MDGA2: variants seen among roughly 807,000 people sequenced by gnomAD.
The protein encoded by MDGA2 is MAM domain containing glycosylphosphatidylinositol anchor 2, also known as MAM domain-containing glycosylphosphatidylinositol anchor protein 2.
In MDGA2, 40 loss-of-function variants were observed where a neutral mutation model predicts 117.8. That is an observed-to-expected ratio of 0.34 (90% CI 0.26 to 0.44). The LOEUF is 0.44. Ranked by LOEUF, MDGA2 falls within the 20% of genes least tolerant of loss-of-function variation. The pLI, the probability that MDGA2 is intolerant of heterozygous loss-of-function variation, is 1.00. For synonymous variants in MDGA2, 452 were observed against 439.0 expected (o/e 1.03, Z -0.37); for missense variants, 1,123 against 1,250.6 (o/e 0.90, Z 1.54).
intron 1 of MDGA2, among the ~76,000 whole-genome samples, chr14:47,599,547 A>G (rs1196298291): frequency 6.6e-6 from 1 of 152,156 alleles, no homozygotes; most frequent in Admixed American, 6.6e-5. Flanking sequence ...TCCCATACCA[A>G]ACAATAGGCC....
Position 47,200,534 on chromosome 14 carries a change from C to CTTTTT in MDGA2, c.595+17482_595+17486dup, listed in dbSNP as rs10639284. 571 of 421,468 alleles carry CTTTTT rather than the reference C, an allele frequency of 1.4e-3. 5 individuals carry two copies. The highest frequency in any genetic ancestry group is 2.4e-3 in the East Asian group (57 of 23,920). 26.1% of individuals were successfully genotyped at this position (421,468 alleles called of 1,614,324 possible). ...TTCTTTTCTTTTTTCTTTTTCTTTT[C>CTTTTT]TTTTTTTTTTTTTTTGAGGAGTTAA... On this transcript the variant is annotated intron_variant, in intron 3 of 16. Transcript: ENST00000399232.
chr14:47,477,713 T>C (rs190442680), intron 1 of MDGA2, among the ~76,000 whole-genome samples: 1 of 152,302 alleles, frequency 6.6e-6, no homozygotes, highest in Admixed American at 6.5e-5. Flanking sequence ...GTCTGAGATA[T>C]AAGAATGATA....
chr14:47,122,896 A>G (rs1052486770), intron 5 of MDGA2, among the ~76,000 whole-genome samples: 5 of 152,060 alleles, frequency 3.3e-5, no homozygotes, highest in African/African-American at 9.7e-5. Context: ...CCTCGACCCA[A>G]TCTACTGAAA....
intron 1 of MDGA2, among the ~76,000 whole-genome samples, chr14:47,522,493 TG>T (rs1376647799): frequency 6.6e-6 from 1 of 152,132 alleles, no homozygotes; most frequent in East Asian, 1.9e-4. Context: ...TGAGTAGTTT[TG>T]CTACCATCTG....
intron 1 of MDGA2, among the ~76,000 whole-genome samples, chr14:47,630,082 TAAA>T (rs540464338): frequency 7.1e-6 from 1 of 140,824 alleles, no homozygotes; most frequent in African/African-American, 2.6e-5. Flanking sequence ...CTTCTGATAC[TAAA>T]AAAAAAAAGG....
At chr14:47,539,803 A>G (rs1244647071) in intron 1 of MDGA2, among the ~76,000 whole-genome samples, 2 of 152,234 alleles carry the variant, frequency 1.3e-5, no homozygotes, top group Admixed American at 1.3e-4. Context: ...TACCACAGTC[A>G]GTGAAAGCTG....
At chr14:47,113,444 GC>G (rs747685934) in intron 5 of MDGA2, among the ~76,000 whole-genome samples, 32 of 151,918 alleles carry the variant, frequency 2.1e-4, no homozygotes, top group Admixed American at 3.9e-4. Flanking sequence ...CCAAAACCTG[GC>G]AGAGATACAA....
At position 47,218,040 on chromosome 14, in the gene MDGA2, T is replaced by G; in HGVS notation, c.576A>C (p.Ser192=). 1 of 1,549,786 alleles carries G rather than the reference T, an allele frequency of 6.5e-7. No individual in the cohort carries two copies. Among genetic ancestry groups the G allele is most frequent in the Non-Finnish European group, 8.7e-7 (1 of 1,145,848 alleles). Residue 192 remains serine (S), a synonymous_variant, in exon 3 of 17, where the codon TCA becomes TCC. Coordinates refer to ENST00000399232, the MANE Select transcript of MDGA2 (RefSeq NM_001113498.3). The part of the protein sequence containing the change: ...ENGLGSPAIK[S]IRVDVYYLDD... ...ACTTACAGTATACATCCACTCTGAT[T>G]GACTTTATCGCTGGAGACCCCAAGC...
intron 1 of MDGA2, among the ~76,000 whole-genome samples, chr14:47,529,530 G>T (rs539859121): frequency 8.4e-4 from 127 of 151,898 alleles, no homozygotes; most frequent in Middle Eastern, 3.4e-3. Flanking sequence ...TAATAGAGAA[G>T]ATTTAATTAA....
At chr14:47,171,238 A>C (rs1462669525) in intron 3 of MDGA2, among the ~76,000 whole-genome samples, 3 of 152,160 alleles carry the variant, frequency 2.0e-5, no homozygotes, top group Non-Finnish European at 4.4e-5. Context: ...TAAATATAGA[A>C]TGTACAATGA....
chr14:47,616,929 A>G (rs778671100), intron 1 of MDGA2, among the ~76,000 whole-genome samples: 7 of 152,208 alleles, frequency 4.6e-5, no homozygotes, highest in Non-Finnish European at 1.0e-4. Context: ...CATTCTTACT[A>G]GCCTCATATC....
intron 1 of MDGA2, among the ~76,000 whole-genome samples, chr14:47,604,945 G>A (rs966934244): frequency 6.6e-6 from 1 of 152,070 alleles, no homozygotes; most frequent in Non-Finnish European, 1.5e-5. Flanking sequence ...AGCAAGACCA[G>A]CAGAAGAACC....
chr14:47,595,889 TG>T (rs1305786149), intron 1 of MDGA2, among the ~76,000 whole-genome samples: 1 of 152,194 alleles, frequency 6.6e-6, no homozygotes, highest in Non-Finnish European at 1.5e-5. Context: ...GTTTTTTCTA[TG>T]GGAACAAATC....
At chr14:47,315,941 C>CA (rs5808388) in intron 1 of MDGA2, among the ~76,000 whole-genome samples, 32,567 of 150,282 alleles carry the variant, frequency 0.22, 4,305 homozygotes, top group East Asian at 0.44. Flanking sequence ...CAAAACAAAA[C>CA]AAAAAACAAA....
At chr14:46,967,432 T>C (rs1886079908) in intron 8 of MDGA2, among the ~76,000 whole-genome samples, 1 of 152,224 alleles carries the variant, frequency 6.6e-6, no homozygotes, top group South Asian at 2.1e-4. Flanking sequence ...GCAATATTTA[T>C]AAAAGAAAAT....
At chr14:47,592,958 C>T (rs1839354642) in intron 1 of MDGA2, among the ~76,000 whole-genome samples, 1 of 151,968 alleles carries the variant, frequency 6.6e-6, no homozygotes, top group Non-Finnish European at 1.5e-5. Context: ...ACAATCTATA[C>T]AGTGGGAGAA....
intron 1 of MDGA2, among the ~76,000 whole-genome samples, chr14:47,656,003 C>A (rs1897736334): frequency 6.6e-6 from 1 of 152,162 alleles, no homozygotes; most frequent in Admixed American, 6.5e-5. Flanking sequence ...GGTTTTTCAG[C>A]AAGCCTGTGC....
chr14:47,463,748 C>G (rs1893540849), intron 1 of MDGA2, among the ~76,000 whole-genome samples: 1 of 152,080 alleles, frequency 6.6e-6, no homozygotes, highest in African/African-American at 2.4e-5. Flanking sequence ...AGTTATGTGT[C>G]AAACATTGTG....
At chr14:47,350,574 C>A (rs1224004955) in intron 1 of MDGA2, among the ~76,000 whole-genome samples, 1 of 151,662 alleles carries the variant, frequency 6.6e-6, no homozygotes, top group Non-Finnish European at 1.5e-5. Context: ...TGTGTGCACG[C>A]GTGTGTGTGT....
Sources: gnomAD v4.1 joint callset for allele counts (sites outside exome capture counted in the v4.1 genomes callset) on GRCh38, gnomAD v4.1.1 for gene constraint, MANE v1.5 for transcripts, NCBI Gene and HGNC (gene_info 2026-07-23, HGNC 2026-07-21) for gene names.